The following DERA variants were observed in gnomAD, a reference collection of about 807,000 sequenced individuals.
DERA encodes deoxyribose-phosphate aldolase.
A neutral mutation model predicts 41.1 loss-of-function variants in DERA; 15 were observed. The ratio of observed to expected loss-of-function variants is 0.37; its 90% confidence interval spans 0.24 to 0.56. DERA has a LOEUF of 0.56. DERA is among the 20% of genes least tolerant of loss of function. The pLI is 0.81. For synonymous variants in DERA, 139 were observed against 137.4 expected, an observed-to-expected ratio of 1.01 and a Z score of -0.08; for missense variants, 396 against 403.4, an observed-to-expected ratio of 0.98 and a Z score of 0.16.
chr12:15,911,559 C>A lies in DERA; in HGVS notation c.31+145C>A. ...GCGGGAAGCAGTGGCGTCTGGTCAG[C>A]CCTCACCCCAAGTAAAGGCCGAACC... On this transcript the variant is annotated intron_variant, in intron 1 of 8. Transcript: ENST00000428559. This position sits in a 1 kb window ranked among gnomAD's most constrained non-coding sequence, Gnocchi z 4.5. The A allele has an allele frequency of 2.3e-6, 2 of 867,956 alleles. No individual in the cohort carries two copies. The highest frequency in any genetic ancestry group is 1.6e-5 in the South Asian group (1 of 63,792). The allele number at this position is 867,956 out of a possible 1,614,324, so 53.8% of individuals were successfully genotyped here. A position where few individuals can be genotyped will look rare whatever the true frequency, so the allele number is the denominator to read the frequency against.
Position 15,976,898 on chromosome 12 carries a change from A to G in DERA, c.509-5410A>G, listed in dbSNP as rs1042822151. ...AGGGCTGAGAAGTCCTGATTCAAAT[A>G]TATGAACTCTACTGTAGCACCATAC... On this transcript the variant is annotated intron_variant, in intron 5 of 8. Transcript: ENST00000428559. This position sits in a 1 kb window ranked among gnomAD's most constrained non-coding sequence, Gnocchi z 4.1. 2.0e-5 allele frequency among the ~76,000 whole-genome samples: 3 copies of G among 152,184 alleles called. No individual in the cohort carries two copies. The highest frequency in any genetic ancestry group is 4.4e-5 in the Non-Finnish European group (3 of 68,040).
At chr12:15,953,726 A>C (rs1948516333) in intron 1 of DERA, among the ~76,000 whole-genome samples, 1 of 152,210 alleles carries the variant, frequency 6.6e-6, no homozygotes, top group Non-Finnish European at 1.5e-5. Flanking sequence ...TGGAAAGGAG[A>C]CGCTAAAGGG....
In DERA at chr12:15,965,294, C is replaced by A. The variant is rs1238481565; in HGVS notation, c.508+2347C>A. 6.6e-6 allele frequency among the ~76,000 whole-genome samples: 1 copy of A among 152,150 alleles called. No homozygotes were observed. The highest frequency in any genetic ancestry group is 3.2e-3 in the Middle Eastern group (1 of 316). On this transcript the variant is annotated intron_variant, in intron 5 of 8. Coordinates refer to ENST00000428559, the MANE Select transcript of DERA (RefSeq NM_015954.4). The surrounding 1 kb of genome is among the most constrained non-coding windows in gnomAD (Gnocchi z 4.1). ...TGGTAAAGCACAATAGAAAGAACCC[C>A]ATTTTATTTTTTAAGTTCTGGGGTA...
At chr12:15,978,221 C>T (rs968449231) in intron 5 of DERA, among the ~76,000 whole-genome samples, 15 of 152,170 alleles carry the variant, frequency 9.9e-5, no homozygotes, top group African/African-American at 2.9e-4. Flanking sequence ...CTGTCAAAGT[C>T]CTCAAAACGA....
Position 16,019,326 on chromosome 12 carries a change from T to C in DERA, c.638-13216T>C, listed in dbSNP as rs1489044346. ...CATGCCTGAACTATTTTTAATATCTTGTGGTCTCTGACTCTCAATTGTCCT... is the reference window on the plus strand; with the variant it reads ...CATGCCTGAACTATTTTTAATATCTCGTGGTCTCTGACTCTCAATTGTCCT... On this transcript the variant is annotated intron_variant, in intron 6 of 8. Coordinates refer to ENST00000428559, the MANE Select transcript of DERA (RefSeq NM_015954.4). This position sits in a 1 kb window ranked among gnomAD's most constrained non-coding sequence, Gnocchi z 4.4. Among the ~76,000 whole-genome samples, 1 of 152,198 alleles carries C rather than the reference T, an allele frequency of 6.6e-6. No homozygotes were observed. The highest frequency in any genetic ancestry group is 2.4e-5 in the African/African-American group (1 of 41,462).
rs118088464 is a variant in DERA at position 15,977,826 on chromosome 12, G to A, written c.509-4482G>A. Among the ~76,000 whole-genome samples, 150 of 152,346 alleles carry A rather than the reference G, an allele frequency of 9.8e-4. 1 individual carries two copies. The East Asian group carries it at 0.024, about 24-fold the overall frequency. ...TTGTCTCACGATGGATGGTTAAATAGCGTGTGGAGAACACTGAGCATTTTT... is the reference window on the plus strand; with the variant it reads ...TTGTCTCACGATGGATGGTTAAATAACGTGTGGAGAACACTGAGCATTTTT... On this transcript the variant is annotated intron_variant, in intron 5 of 8. Coordinates refer to ENST00000428559, the MANE Select transcript of DERA (RefSeq NM_015954.4).
rs1329402990 is a variant in DERA at position 15,936,940 on chromosome 12, C to CTTGT, written c.32-19996_32-19995insTTGT. ...CCTGTCCTGTCCTGTCCTGTCTTGT[C>CTTGT]CTGTCCCGTCCTGTCCTGCCCTGCC... On this transcript the variant is annotated intron_variant, in intron 1 of 8. Coordinates refer to ENST00000428559, the MANE Select transcript of DERA (RefSeq NM_015954.4). This position sits in a 1 kb window ranked among gnomAD's most constrained non-coding sequence, Gnocchi z 4.6. Among the ~76,000 whole-genome samples the CTTGT allele has an allele frequency of 2.4e-4, 36 of 148,726 alleles. 1 individual carries two copies. The highest frequency in any genetic ancestry group is 8.7e-4 in the African/African-American group (35 of 40,016).
At chr12:15,968,466 C>T (rs189124325) in intron 5 of DERA, among the ~76,000 whole-genome samples, 26 of 152,298 alleles carry the variant, frequency 1.7e-4, no homozygotes, top group Admixed American at 4.6e-4. Flanking sequence ...GGACATCACC[C>T]GGCCAGGCAG....
chr12:15,933,095 A>G (rs1181490577), intron 1 of DERA, among the ~76,000 whole-genome samples: 1 of 152,146 alleles, frequency 6.6e-6, no homozygotes, highest in Admixed American at 6.5e-5. Context: ...TTGATTCCTT[A>G]TCTTGGCTAT....
intron 5 of DERA, among the ~76,000 whole-genome samples, chr12:15,974,802 A>G (rs1193644045): frequency 6.6e-6 from 1 of 152,038 alleles, no homozygotes; most frequent in Non-Finnish European, 1.5e-5. Context: ...TTTCTTCTAT[A>G]CTTAAGAGTT....
At chr12:16,006,519 C>T (rs1033848533) in intron 6 of DERA, among the ~76,000 whole-genome samples, 2 of 152,258 alleles carry the variant, frequency 1.3e-5, no homozygotes, top group African/African-American at 4.8e-5. Context: ...CCTCTCTCCA[C>T]ACTTGGCCCC....
chr12:15,974,924 T>C (rs1948687284), intron 5 of DERA, among the ~76,000 whole-genome samples: 1 of 150,124 alleles, frequency 6.7e-6, no homozygotes, highest in Non-Finnish European at 1.5e-5. Context: ...TTCCCTCCCT[T>C]CCTTCCTTCC....
intron 1 of DERA, chr12:15,956,486 G>A: frequency 3.1e-6 from 1 of 320,436 alleles, no homozygotes; most frequent in South Asian, 2.7e-5. Context: ...CCAGTAAGCG[G>A]GTAGTGAGCA....
In DERA at chr12:15,981,279, C is replaced by T. The variant is rs1324395573; in HGVS notation, c.509-1029C>T. ...AGGAGAATGGCGTGAACCCCAGAGG[C>T]GGAGGTTGCAGTGAGCTGAGATCAC... is the stretch of plus-strand genomic sequence containing the variant. On this transcript the variant is annotated intron_variant, in intron 5 of 8. Transcript: ENST00000428559. This position sits in a 1 kb window ranked among gnomAD's most constrained non-coding sequence, Gnocchi z 6.1. Among the ~76,000 whole-genome samples, 2 of 152,096 alleles carry T rather than the reference C, an allele frequency of 1.3e-5. No homozygotes were observed. Among genetic ancestry groups the T allele is most frequent in the Admixed American group, 1.3e-4 (2 of 15,262 alleles).
chr12:16,016,993 G>A (rs138954916), intron 6 of DERA, among the ~76,000 whole-genome samples: 18 of 152,158 alleles, frequency 1.2e-4, no homozygotes, highest in East Asian at 1.2e-3. Flanking sequence ...TGCTTGTTTC[G>A]ATCAGGTGCG....
Position 15,940,105 on chromosome 12 carries a change from T to C in DERA, c.32-16831T>C, listed in dbSNP as rs935619565. Among the ~76,000 whole-genome samples the C allele has an allele frequency of 2.0e-5, 3 of 152,242 alleles. No homozygotes were observed. Among genetic ancestry groups the C allele is most frequent in the Admixed American group, 6.5e-5 (1 of 15,282 alleles). On this transcript the variant is annotated intron_variant, in intron 1 of 8. Transcript: ENST00000428559. This position sits in a 1 kb window ranked among gnomAD's most constrained non-coding sequence, Gnocchi z 5.1. ...TTGTCACTGCAAAATCACATAATTA[T>C]GTGTTTATCCTAACCTCTTTAACTG...
At chr12:16,005,633 C>T (rs531557951) in intron 6 of DERA, among the ~76,000 whole-genome samples, 1 of 152,168 alleles carries the variant, frequency 6.6e-6, no homozygotes, top group Non-Finnish European at 1.5e-5. Flanking sequence ...CATGAATATA[C>T]CCCTGCAAGC....
Position 15,981,441 on chromosome 12 carries a change from A to AT in DERA, c.509-867_509-866insT, listed in dbSNP as rs1948732418. ...AAAGCCTTGGTCTTGTTACCATGGC[A>AT]GTAGCCTGAGTTCAAGAAATGATAG... is the stretch of plus-strand genomic sequence containing the variant. On this transcript the variant is annotated intron_variant, in intron 5 of 8. Coordinates refer to ENST00000428559, the MANE Select transcript of DERA (RefSeq NM_015954.4). The surrounding 1 kb of genome is among the most constrained non-coding windows in gnomAD (Gnocchi z 6.1). Among the ~76,000 whole-genome samples, 2 of 152,364 alleles carry AT rather than the reference A, an allele frequency of 1.3e-5. No individual in the cohort carries two copies. Among genetic ancestry groups the AT allele is most frequent in the Admixed American group, 1.3e-4 (2 of 15,304 alleles).
intron 6 of DERA, among the ~76,000 whole-genome samples, chr12:16,015,039 G>C (rs1448395711): frequency 6.6e-6 from 1 of 152,184 alleles, no homozygotes; most frequent in Non-Finnish European, 1.5e-5. Context: ...CTGTACCCCA[G>C]TTGTTTCTAG....
Sources: gnomAD v4.1 joint callset for allele counts (sites outside exome capture counted in the v4.1 genomes callset) on GRCh38, gnomAD v4.1.1 for gene constraint, Gnocchi (gnomAD v3.1) non-coding constraint, MANE v1.5 for transcripts, NCBI Gene and HGNC (gene_info 2026-07-23, HGNC 2026-07-21) for gene names.